IL17RA: variants seen among roughly 807,000 people sequenced by gnomAD.
The protein encoded by IL17RA is interleukin 17 receptor A.
In IL17RA, 34 loss-of-function variants were observed where a neutral mutation model predicts 50.4. That is an observed-to-expected ratio of 0.67 (90% confidence interval 0.51 to 0.90). The LOEUF (loss-of-function observed/expected upper bound fraction) is 0.90, where lower values mean the gene tolerates loss of function less well. Ranked by LOEUF, IL17RA falls within the 40% of genes least tolerant of loss-of-function variation. IL17RA has a pLI of 0.00. For synonymous variants in IL17RA, 585 were observed against 510.4 expected, an observed-to-expected ratio of 1.15 and a Z score of -1.97; for missense variants, 1,276 against 1,169.8, an observed-to-expected ratio of 1.09 and a Z score of -1.32.
intron 10 of IL17RA, 119 bp from the exon 11 acceptor site, chr22:17,105,734 A>C (rs2061411950): frequency 5.1e-6 from 7 of 1,383,844 alleles, no homozygotes; most frequent in African/African-American, 1.5e-5. Context: ...GGGTGAGACC[A>C]TGGTTTGTCG....
chr22:17,107,617 G>A lies in IL17RA; in HGVS notation c.1046-110G>A. ...CACGGCCTCGCTGCTCAGTCTCGGGGCTGCCCCCTTACCCTTCACCCTTTG... is the reference window on the plus strand; with the variant it reads ...CACGGCCTCGCTGCTCAGTCTCGGGACTGCCCCCTTACCCTTCACCCTTTG... On this transcript the variant is annotated intron_variant, in intron 11 of 12. Transcript: ENST00000319363. The A allele has an allele frequency of 3.2e-6, 3 of 924,170 alleles. No individual in the cohort carries two copies. The East Asian group carries it at 7.3e-5, about 22-fold the overall frequency. 57.2% of individuals were successfully genotyped at this position (924,170 alleles called of 1,614,324 possible). A position where few individuals can be genotyped will look rare whatever the true frequency, so the allele number is the denominator to read the frequency against.
intron 6 of IL17RA, 47 bp downstream of exon 6, chr22:17,102,090 C>A: frequency 6.2e-7 from 1 of 1,614,104 alleles, no homozygotes; most frequent in Non-Finnish European, 8.5e-7. Context: ...TACACATGCA[C>A]ATGTGCGTGC....
In IL17RA at chr22:17,111,074, G is replaced by C. The variant is rs1209426824; in HGVS notation, c.*1254G>C. ...AGGAGGGAGGCAGTGAGAGAGATCG[G>C]GGTGGGGGGTGGGGGGATGTCGCCA... On this transcript the variant is annotated 3_prime_UTR_variant, in exon 13 of 13. Transcript: ENST00000319363. 1 of 148,694 alleles carries C rather than the reference G, an allele frequency of 6.7e-6. No homozygotes were observed. Among genetic ancestry groups the C allele is most frequent in the African/African-American group, 2.5e-5 (1 of 40,482 alleles). The allele number at this position is 148,694 out of a possible 1,614,324, so 9.2% of individuals were successfully genotyped here. A position where few individuals can be genotyped will look rare whatever the true frequency, so the allele number is the denominator to read the frequency against.
intron 1 of IL17RA, among the ~76,000 whole-genome samples, chr22:17,088,779 C>T (rs1366687256): frequency 6.6e-6 from 1 of 151,608 alleles, no homozygotes; most frequent in African/African-American, 2.4e-5. Flanking sequence ...TGAGCCACCG[C>T]ACCTGGCCAA....
chr22:17,095,297 T>C (rs2061364708), intron 1 of IL17RA, among the ~76,000 whole-genome samples: 4 of 152,228 alleles, frequency 2.6e-5, no homozygotes, highest in Admixed American at 6.5e-5. Context: ...AAAAGACTTA[T>C]ATGCAACCAC....
chr22:17,109,903 C>T lies in IL17RA; in HGVS notation c.*83C>T. On this transcript the variant is annotated 3_prime_UTR_variant, in exon 13 of 13. Coordinates refer to ENST00000319363, the MANE Select transcript of IL17RA (RefSeq NM_014339.7). ...GTATTCATCTGTGTGTACATGTCTGCATGTGTATATGTTCGTGTGTGAAAT... is the reference window on the plus strand; with the variant it reads ...GTATTCATCTGTGTGTACATGTCTGTATGTGTATATGTTCGTGTGTGAAAT... The T allele has an allele frequency of 8.0e-7, 1 of 1,251,480 alleles. No individual in the cohort carries two copies. Among genetic ancestry groups the T allele is most frequent in the Non-Finnish European group, 1.1e-6 (1 of 895,326 alleles). 77.5% of individuals were successfully genotyped at this position (1,251,480 alleles called of 1,614,324 possible).
intron 4 of IL17RA, 118 bp downstream of exon 4, chr22:17,099,005 T>C (rs1487592596): frequency 1.2e-6 from 1 of 837,000 alleles, no homozygotes; most frequent in Non-Finnish European, 2.0e-6. Flanking sequence ...TGAGGGAGTC[T>C]GTGGAATTCA....
rs1382733854 is a variant in IL17RA at position 17,115,385 on chromosome 22, T to A, written c.*5565T>A. On this transcript the variant is annotated 3_prime_UTR_variant, in exon 13 of 13. Transcript: ENST00000319363. ...GTGATTGCTCCTGTTTTATAAATAATGACATAGTTCCAGTTGATGGCCAAA... is the reference window on the plus strand; with the variant it reads ...GTGATTGCTCCTGTTTTATAAATAAAGACATAGTTCCAGTTGATGGCCAAA... The A allele has an allele frequency of 6.6e-6, 1 of 152,272 alleles. No individual in the cohort carries two copies. Among genetic ancestry groups the A allele is most frequent in the Non-Finnish European group, 1.5e-5 (1 of 68,048 alleles). 9.4% of individuals were successfully genotyped at this position (152,272 alleles called of 1,614,324 possible). A position where few individuals can be genotyped will look rare whatever the true frequency, so the allele number is the denominator to read the frequency against.
chr22:17,087,082 A>G (rs1287211195), intron 1 of IL17RA, among the ~76,000 whole-genome samples: 1 of 152,102 alleles, frequency 6.6e-6, no homozygotes, highest in Non-Finnish European at 1.5e-5. Context: ...TTCTGTATAC[A>G]CCTGCCTCAC....
At chr22:17,086,502 G>A (rs1485644086) in intron 1 of IL17RA, among the ~76,000 whole-genome samples, 1 of 152,166 alleles carries the variant, frequency 6.6e-6, no homozygotes, top group Non-Finnish European at 1.5e-5. Flanking sequence ...GTTCTGATAT[G>A]GAGGGTTGGT....
At position 17,103,454 on chromosome 22, in the gene IL17RA, C is replaced by T. The variant is rs759561546; in HGVS notation, c.763-40C>T. The stretch of plus-strand genomic sequence containing the variant: ...GTGTTCTTACCCAACTAGCCTTACC[C>T]ATCCCAACTAGCCTTACCCATCCTC... On this transcript the variant is annotated intron_variant, in intron 7 of 12. Transcript: ENST00000319363. The T allele has an allele frequency of 1.9e-6, 3 of 1,556,638 alleles. No individual in the cohort carries two copies. The African/African-American group carries it at 4.1e-5, about 21-fold the overall frequency.
rs372715033 is a variant in IL17RA at position 17,109,760 on chromosome 22, G to A, written c.2541G>A (p.Gln847=). ...TCCAGCGGCAGCTGCTTTTCCGCCA[G>A]CTGCAGAAGAACTCGGGCTGGGACA... ...RSLQRQLLFR[Q]LQKNSGWDTM... Residue 847 remains glutamine, a synonymous_variant, in exon 13 of 13, where the codon CAG becomes CAA. Coordinates refer to ENST00000319363, the MANE Select transcript of IL17RA (RefSeq NM_014339.7). 1.5e-4 allele frequency: 228 copies of A among 1,555,890 alleles called. 2 individuals carry two copies. The highest frequency in any genetic ancestry group is 1.3e-3 in the Middle Eastern group (8 of 5,986).
chr22:17,109,284 G>A lies in IL17RA; in HGVS notation c.2065G>A (p.Gly689Ser). 2.6e-6 allele frequency: 4 copies of A among 1,518,436 alleles called. No individual in the cohort carries two copies. Among genetic ancestry groups the A allele is most frequent in the Middle Eastern group, 2.1e-4 (1 of 4,758 alleles). 94.1% of individuals were successfully genotyped at this position (1,518,436 alleles called of 1,614,324 possible). A position where few individuals can be genotyped will look rare whatever the true frequency, so the allele number is the denominator to read the frequency against. Residue 689 changes from glycine to serine, a missense_variant, in exon 13 of 13, where the codon GGT becomes AGT. Physicochemically the swap from Gly to Ser is moderately conservative, Grantham distance 56. Coordinates refer to ENST00000319363, the MANE Select transcript of IL17RA (RefSeq NM_014339.7). ...GGTGGAGCCTGGGCCCCTGGCTGAC[G>A]GTGCCGCAGTCCGGCTGGCACTGGC... ...AAVEPGPLADGAAVRLALAGE... is the reference protein window; with the variant it reads ...AAVEPGPLADSAAVRLALAGE...
chr22:17,085,407 C>T (rs554338363), intron 1 of IL17RA, 178 bp downstream of exon 1: 87 of 730,400 alleles, frequency 1.2e-4, no homozygotes, highest in Non-Finnish European at 1.4e-4. Context: ...GGAGGACCCT[C>T]GGAGCGGTGG....
At chr22:17,098,720 G>C in intron 3 of IL17RA, 55 bp from the exon 4 acceptor site, 1 of 1,412,874 alleles carries the variant, frequency 7.1e-7, no homozygotes, top group East Asian at 2.3e-5. Flanking sequence ...GACACACCCA[G>C]CACTTGTCTT....
chr22:17,099,974 C>T (rs1048779839), intron 4 of IL17RA, among the ~76,000 whole-genome samples: 3 of 152,000 alleles, frequency 2.0e-5, no homozygotes, highest in Non-Finnish European at 4.4e-5. Context: ...TAGTTTTTAC[C>T]TGCCTGGCGT....
At position 17,113,056 on chromosome 22, in the gene IL17RA, G is replaced by A. The variant is rs779028419; in HGVS notation, c.*3236G>A. 2.8e-5 allele frequency: 4 copies of A among 144,782 alleles called. No homozygotes were observed. The highest frequency in any genetic ancestry group is 7.2e-5 in the Admixed American group (1 of 13,956). 9.0% of individuals were successfully genotyped at this position (144,782 alleles called of 1,614,324 possible). The stretch of plus-strand genomic sequence containing the variant: ...GATTCAAAACCAGTTTCTCTTTTCT[G>A]CATAGGAAGGTCCTTGAAGGTGTTT... On this transcript the variant is annotated 3_prime_UTR_variant, in exon 13 of 13. Transcript: ENST00000319363.
chr22:17,112,506 G>A lies in IL17RA; in HGVS notation c.*2686G>A, dbSNP rs1184094856. On this transcript the variant is annotated 3_prime_UTR_variant, in exon 13 of 13. Coordinates refer to ENST00000319363, the MANE Select transcript of IL17RA (RefSeq NM_014339.7). ...GATCTCTGTAGACTTGCCTCTTCTGGACATGACATAGAGAAAGGAGTCATA... is the reference window on the plus strand; with the variant it reads ...GATCTCTGTAGACTTGCCTCTTCTGAACATGACATAGAGAAAGGAGTCATA... 1 of 151,932 alleles carries A rather than the reference G, an allele frequency of 6.6e-6. No homozygotes were observed. The highest frequency in any genetic ancestry group is 2.4e-5 in the African/African-American group (1 of 41,322). 9.4% of individuals were successfully genotyped at this position (151,932 alleles called of 1,614,324 possible). A position where few individuals can be genotyped will look rare whatever the true frequency, so the allele number is the denominator to read the frequency against.
intron 3 of IL17RA, 82 bp from the exon 4 acceptor site, chr22:17,098,693 G>C (rs754207911): frequency 9.1e-7 from 1 of 1,099,852 alleles, no homozygotes; most frequent in Non-Finnish European, 1.4e-6. Flanking sequence ...GTGAACAACC[G>C]CAACAGATAG....
Sources: gnomAD v4.1 joint callset for allele counts (sites outside exome capture counted in the v4.1 genomes callset) on GRCh38, gnomAD v4.1.1 for gene constraint, MANE v1.5 for transcripts, NCBI Gene and HGNC (gene_info 2026-07-23, HGNC 2026-07-21) for gene names.